CCDC88C: variants seen among roughly 807,000 people sequenced by gnomAD.
CCDC88C encodes the protein coiled-coil and HOOK domain protein 88C.
In CCDC88C, 131 loss-of-function variants were observed where a neutral mutation model predicts 198.8. The ratio of observed to expected loss-of-function variants is 0.66; its 90% CI spans 0.57 to 0.76. The LOEUF (loss-of-function observed/expected upper bound fraction) is 0.76, where lower values mean the gene tolerates loss of function less well. Among genes scored for constraint, CCDC88C ranks in the 30% least tolerant of loss-of-function variants. The probability of loss-of-function intolerance (pLI) is 0.00; values close to 1 mark genes in which losing one functional copy is unlikely to be tolerated. For missense variants in CCDC88C, 2,553 were observed against 2,631.6 expected, an observed-to-expected ratio of 0.97 and a Z score of 0.65; for synonymous variants, 1,166 against 1,114.7, an observed-to-expected ratio of 1.05 and a Z score of -0.92.
At chr14:91,377,291 G>A (rs1027522138) in intron 3 of CCDC88C, among the ~76,000 whole-genome samples, 1 of 152,170 alleles carries the variant, frequency 6.6e-6, no homozygotes, top group East Asian at 1.9e-4. Context: ...CTCTTCCACC[G>A]CGGAGCTCCC....
At chr14:91,281,649 T>C in intron 26 of CCDC88C, 124 bp from the exon 27 acceptor site, 1 of 782,662 alleles carries the variant, frequency 1.3e-6, no homozygotes, top group South Asian at 1.5e-5. Context: ...GGGAATGGCA[T>C]GCAGATGCTG....
Position 91,284,043 on chromosome 14 carries a change from GA to G in CCDC88C, c.4442-527del, listed in dbSNP as rs1890307039. 6.6e-6 allele frequency among the ~76,000 whole-genome samples: 1 copy of G among 152,196 alleles called. No homozygotes were observed. The highest frequency in any genetic ancestry group is 2.1e-4 in the South Asian group (1 of 4,828). On this transcript the variant is annotated intron_variant, in intron 25 of 29. Coordinates refer to ENST00000389857, the MANE Select transcript of CCDC88C (RefSeq NM_001080414.4). The surrounding 1 kb of genome is among the most constrained non-coding windows in gnomAD (Gnocchi z 4.1). ...CTCTGCATGGTGAGACGAACTGCAA[GA>G]AAATTTTTACCTTGTGTCTTGTGCT...
intron 3 of CCDC88C, among the ~76,000 whole-genome samples, chr14:91,370,544 GC>G (rs1894744315): frequency 6.6e-6 from 1 of 152,216 alleles, no homozygotes; most frequent in African/African-American, 2.4e-5. Context: ...AAAGAAGGGG[GC>G]GGGGGGCAGC....
intron 10 of CCDC88C, among the ~76,000 whole-genome samples, chr14:91,331,596 G>C (rs1892828943): frequency 6.6e-6 from 1 of 152,196 alleles, no homozygotes; most frequent in African/African-American, 2.4e-5. Context: ...CATTAGCCCA[G>C]TTCCTCACTG....
chr14:91,273,117 TCCCACAAGTGGGGTCCGCTCC>T lies in CCDC88C; in HGVS notation c.5574_5594del (p.Glu1859_Gly1865del). On this transcript the variant is annotated inframe_deletion, in exon 30 of 30. Coordinates refer to ENST00000389857, the MANE Select transcript of CCDC88C (RefSeq NM_001080414.4). The surrounding 1 kb of genome is among the most constrained non-coding windows in gnomAD (Gnocchi z 5.6). ...GGCCCTGACAGGAGCTGCCAGCCTTTCCCACAAGTGGGGTCCGCTCCCGGGCCAGGCTATGGGAGCTGGGGG... is the reference window on the plus strand; with the variant it reads ...GGCCCTGACAGGAGCTGCCAGCCTTTCGGGCCAGGCTATGGGAGCTGGGGG... The T allele has an allele frequency of 6.4e-7, 1 of 1,571,090 alleles. No homozygotes were observed. The highest frequency in any genetic ancestry group is 8.6e-7 in the Non-Finnish European group (1 of 1,158,158).
At chr14:91,404,247 A>AC (rs1886362702) in intron 3 of CCDC88C, among the ~76,000 whole-genome samples, 1 of 150,992 alleles carries the variant, frequency 6.6e-6, no homozygotes, top group Admixed American at 6.6e-5. Context: ...CCCCCTCAAC[A>AC]CCCCCTGCTC....
At chr14:91,310,600 G>A (rs1891775866) in intron 15 of CCDC88C, among the ~76,000 whole-genome samples, 1 of 152,044 alleles carries the variant, frequency 6.6e-6, no homozygotes, top group African/African-American at 2.4e-5. Context: ...TTGTAGAGAT[G>A]GGGTCTTGCT....
At chr14:91,292,724 C>T (rs954934464) in intron 23 of CCDC88C, among the ~76,000 whole-genome samples, 3 of 152,076 alleles carry the variant, frequency 2.0e-5, no homozygotes, top group African/African-American at 4.8e-5. Context: ...CAGCCATTCC[C>T]GATCACGTGG....
intron 10 of CCDC88C, among the ~76,000 whole-genome samples, chr14:91,335,468 T>A (rs144588439): frequency 1.4e-4 from 21 of 152,210 alleles, no homozygotes; most frequent in Admixed American, 3.3e-4. Flanking sequence ...TGCCTCTGCC[T>A]GGCTCTCCCT....
rs374215889 is a variant in CCDC88C, at chr14:91,307,059, C to T, written c.3174G>A (p.Arg1058=). The change falls in exon 18 of 30, where the codon CGG becomes CGA. Residue 1058 remains arginine (R), a synonymous_variant. Coordinates refer to ENST00000389857, the MANE Select transcript of CCDC88C (RefSeq NM_001080414.4). The stretch of plus-strand genomic sequence containing the variant: ...TCACATTCCGCTCCAGCTCGATGGC[C>T]CGGTCCTTCACTCGGAGAAGCTCCA... The part of the protein sequence containing the change: ...ATMELLRVKD[R]AIELERNNAA... 1.2e-6 allele frequency: 2 copies of T among 1,613,158 alleles called. No homozygotes were observed. The highest frequency in any genetic ancestry group is 1.7e-6 in the Non-Finnish European group (2 of 1,179,470).
At chr14:91,366,395 A>T (rs557536089) in intron 3 of CCDC88C, among the ~76,000 whole-genome samples, 11 of 152,228 alleles carry the variant, frequency 7.2e-5, no homozygotes, top group Non-Finnish European at 1.6e-4. Context: ...CTGAGGCAGG[A>T]GAATTGCTTG....
intron 19 of CCDC88C, among the ~76,000 whole-genome samples, chr14:91,305,247 A>G (rs868191535): frequency 1.3e-5 from 2 of 152,210 alleles, no homozygotes; most frequent in Admixed American, 6.5e-5. Flanking sequence ...CCCACAGTCT[A>G]TAGGCGATAA....
At chr14:91,407,511 T>C (rs557313406) in intron 3 of CCDC88C, among the ~76,000 whole-genome samples, 120 of 152,318 alleles carry the variant, frequency 7.9e-4, no homozygotes, top group African/African-American at 2.7e-3. Context: ...CAGTTGTTCT[T>C]GAGCAGTTCT....
intron 12 of CCDC88C, among the ~76,000 whole-genome samples, chr14:91,323,586 C>A (rs1892447182): frequency 6.6e-6 from 1 of 152,168 alleles, no homozygotes; most frequent in African/African-American, 2.4e-5. Context: ...CAGCTCCTAG[C>A]TAGGCACTAG....
intron 25 of CCDC88C, among the ~76,000 whole-genome samples, chr14:91,286,550 ACATTAATC>A (rs1418207546): frequency 1.3e-5 from 2 of 152,232 alleles, no homozygotes; most frequent in African/African-American, 4.8e-5. Context: ...TCTTATAGTA[ACATTAATC>A]GACCTAACCA....
At chr14:91,293,501 T>A (rs61988374) in intron 23 of CCDC88C, among the ~76,000 whole-genome samples, 1 of 24,426 alleles carries the variant, frequency 4.1e-5, no homozygotes, top group Non-Finnish European at 7.9e-5. Context: ...CATCCTCACC[T>A]GCCACGGCCT....
intron 3 of CCDC88C, among the ~76,000 whole-genome samples, chr14:91,387,239 ACAGT>A (rs1342238854): frequency 1.3e-5 from 2 of 152,182 alleles, no homozygotes; most frequent in African/African-American, 4.8e-5. Context: ...TATAGAACTG[ACAGT>A]CAGTTTCAAG....
rs1893839846 is a variant in CCDC88C at position 91,352,155 on chromosome 14, C to A, written c.340+7487G>T. ...CAAATAGCATCTCTTCCCTCCTCCG[C>A]AGACGGCGGTGGCCACAGAGAGTAG... On this transcript the variant is annotated intron_variant, in intron 4 of 29. Coordinates refer to ENST00000389857, the MANE Select transcript of CCDC88C (RefSeq NM_001080414.4). The surrounding 1 kb of genome is among the most constrained non-coding windows in gnomAD (Gnocchi z 4.2). Among the ~76,000 whole-genome samples the A allele has an allele frequency of 6.6e-6, 1 of 152,268 alleles. No individual in the cohort carries two copies.
rs112023348 is a variant in CCDC88C, at chr14:91,366,685, C to T, written c.271-6974G>A. Among the ~76,000 whole-genome samples, 721 of 152,284 alleles carry T rather than the reference C, an allele frequency of 4.7e-3. 3 individuals are homozygous for T. Among genetic ancestry groups the T allele is most frequent in the Non-Finnish European group, 7.9e-3 (537 of 68,022 alleles). ...TCAAGCATCTTCTCATCAGGAGAAG[C>T]CAAGCCTCTTGATTGGGAAGAACAG... is the stretch of plus-strand genomic sequence containing the variant. On this transcript the variant is annotated intron_variant, in intron 3 of 29. Transcript: ENST00000389857.
Sources: gnomAD v4.1 joint callset for allele counts (sites outside exome capture counted in the v4.1 genomes callset) on GRCh38, gnomAD v4.1.1 for gene constraint, Gnocchi (gnomAD v3.1) non-coding constraint, MANE v1.5 for transcripts, NCBI Gene and HGNC (gene_info 2026-07-23, HGNC 2026-07-21) for gene names.